UPP2: variants seen among roughly 807,000 people sequenced by gnomAD.
The protein encoded by UPP2 is UPase 2.
A neutral mutation model predicts 26.7 loss-of-function variants in UPP2; 23 were observed. That is an observed-to-expected ratio of 0.86 (90% confidence interval 0.62 to 1.22). UPP2 has a LOEUF of 1.22. Among genes scored for constraint, UPP2 ranks in the 50% most tolerant of loss-of-function variants. The pLI, the probability that UPP2 is intolerant of heterozygous loss-of-function variation, is 0.00. For missense variants in UPP2, 387 were observed against 396.7 expected, an observed-to-expected ratio of 0.98 and a Z score of 0.21; for synonymous variants, 127 against 141.3, an observed-to-expected ratio of 0.90 and a Z score of 0.72.
chr2:158,055,798 G>C (rs1210386568), intron 3 of UPP2, among the ~76,000 whole-genome samples: 1 of 145,780 alleles, frequency 6.9e-6, no homozygotes, highest in Non-Finnish European at 1.5e-5. Context: ...TCATGGCGGA[G>C]ATTGTGTTGT....
At chr2:158,027,712 C>G (rs1683856562) in intron 3 of UPP2, among the ~76,000 whole-genome samples, 1 of 152,218 alleles carries the variant, frequency 6.6e-6, no homozygotes, top group Non-Finnish European at 1.5e-5. Flanking sequence ...ACTGACCTAG[C>G]AGTAATTCTC....
At chr2:158,039,706 C>A (rs537283416) in intron 3 of UPP2, among the ~76,000 whole-genome samples, 1 of 152,316 alleles carries the variant, frequency 6.6e-6, no homozygotes, top group African/African-American at 2.4e-5. Context: ...GAGTCTTAGA[C>A]CCCACTCCAA....
intron 2 of UPP2, among the ~76,000 whole-genome samples, chr2:158,006,665 G>A (rs1215112035): frequency 6.6e-6 from 1 of 152,004 alleles, no homozygotes; most frequent in African/African-American, 2.4e-5. Context: ...AAAAATAAAA[G>A]CAACTTCCAA....
rs182989261 is a variant in UPP2 at position 158,095,792 on chromosome 2, T to A, written c.148-6248T>A. On this transcript the variant is annotated intron_variant, in intron 3 of 9. Coordinates refer to the UPP2 transcript ENST00000605860. ...TTACTGACATTCTTCCTGTTTTTTT[T>A]TTCATTATTTTTCCTTATCCTTCAG... Among the ~76,000 whole-genome samples, 608 of 152,278 alleles carry A rather than the reference T, an allele frequency of 4.0e-3. 1 individual carries two copies. The highest frequency in any genetic ancestry group is 5.9e-3 in the Admixed American group (91 of 15,306).
chr2:158,086,042 T>C lies in UPP2; in HGVS notation c.148-15998T>C, dbSNP rs147358391. ...TGAATGATTTGGGGAGGATTCCCTT[T>C]TTCTCTATCTTGTGGAATAGTGTCA... On this transcript the variant is annotated intron_variant, in intron 3 of 9. Transcript: ENST00000605860. Among the ~76,000 whole-genome samples, 475 of 152,222 alleles carry C rather than the reference T, an allele frequency of 3.1e-3. 1 individual carries two copies. Among genetic ancestry groups the C allele is most frequent in the African/African-American group, 0.01 (432 of 41,556 alleles).
rs370253892 is a variant in UPP2, at chr2:158,106,360, G to T, written c.180+144G>T. On this transcript the variant is annotated intron_variant, in intron 2 of 6. Transcript: ENST00000005756. ...CACACTCATTCTCTGAAACAATTTG[G>T]AATGTGTATATCATGAACAATCATT... The T allele has an allele frequency of 7.5e-6, 5 of 663,648 alleles. No individual in the cohort carries two copies. The African/African-American group carries it at 7.6e-5, about 10-fold the overall frequency. The allele number at this position is 663,648 out of a possible 1,614,324, so 41.1% of individuals were successfully genotyped here.
chr2:158,048,159 T>C (rs1206109754), intron 3 of UPP2, among the ~76,000 whole-genome samples: 1 of 152,130 alleles, frequency 6.6e-6, no homozygotes, highest in Non-Finnish European at 1.5e-5. Flanking sequence ...GGACACAAGT[T>C]TTTGCAAGAA....
chr2:158,011,591 T>A (rs982841295), intron 2 of UPP2, among the ~76,000 whole-genome samples: 4 of 151,396 alleles, frequency 2.6e-5, no homozygotes, highest in African/African-American at 7.3e-5. Context: ...TGTCCACCAC[T>A]GAAGGGAACC....
At chr2:158,074,726 C>CAG (rs1682602807) in intron 3 of UPP2, among the ~76,000 whole-genome samples, 1 of 150,334 alleles carries the variant, frequency 6.7e-6, no homozygotes, top group Admixed American at 6.6e-5. Flanking sequence ...CACACACACA[C>CAG]AGAAAAATAA....
At chr2:157,998,918 C>T (rs1683363821) in intron 2 of UPP2, among the ~76,000 whole-genome samples, 1 of 152,100 alleles carries the variant, frequency 6.6e-6, no homozygotes. Flanking sequence ...AACTTTGTTC[C>T]TGTCCTCTCT....
At chr2:158,057,212 T>C (rs185652899) in intron 3 of UPP2, among the ~76,000 whole-genome samples, 283 of 152,348 alleles carry the variant, frequency 1.9e-3, no homozygotes, top group African/African-American at 6.3e-3. Flanking sequence ...GTTTCTCTAC[T>C]GTAAAGTTAC....
intron 3 of UPP2, among the ~76,000 whole-genome samples, chr2:158,047,566 T>G (rs535797884): frequency 6.6e-6 from 1 of 152,168 alleles, no homozygotes; most frequent in Non-Finnish European, 1.5e-5. Flanking sequence ...AAGAGACCAG[T>G]GGAAATGAGA....
intron 3 of UPP2, among the ~76,000 whole-genome samples, chr2:158,079,825 T>G (rs887559333): frequency 6.6e-6 from 1 of 152,140 alleles, no homozygotes; most frequent in African/African-American, 2.4e-5. Context: ...TTCATTGTTC[T>G]TTTATATAAT....
At chr2:158,072,321 C>T (rs1473337821) in intron 3 of UPP2, among the ~76,000 whole-genome samples, 1 of 152,144 alleles carries the variant, frequency 6.6e-6, no homozygotes. Flanking sequence ...CAGAATAAAA[C>T]ATCAGGTAGA....
intron 3 of UPP2, among the ~76,000 whole-genome samples, chr2:158,073,518 A>G (rs529241624): frequency 7.2e-5 from 11 of 152,310 alleles, no homozygotes; most frequent in Admixed American, 1.3e-4. Context: ...ATTTAACTCA[A>G]GGAAGACTAC....
At chr2:158,013,149 C>T (rs185631181) in intron 2 of UPP2, among the ~76,000 whole-genome samples, 7 of 152,168 alleles carry the variant, frequency 4.6e-5, no homozygotes, top group Admixed American at 3.9e-4. Flanking sequence ...CCAAAACTGG[C>T]TAATTTTTTT....
At chr2:158,046,387 C>A (rs756687960) in intron 3 of UPP2, among the ~76,000 whole-genome samples, 1 of 152,206 alleles carries the variant, frequency 6.6e-6, no homozygotes, top group Non-Finnish European at 1.5e-5. Flanking sequence ...ACTTTTTACT[C>A]TTAAGCATCT....
chr2:158,106,104 G>A lies in UPP2; in HGVS notation c.68G>A (p.Arg23Lys). ...TGTATAATTTTTTTTTCCAGAAAAA[G>A]GTTTGTTCACGTTAAAAATCCTTAC... ...RSDRNTYVGKRFVHVKNPYLD... is the reference protein window; with the variant it reads ...RSDRNTYVGKKFVHVKNPYLD... Residue 23 changes from arginine (R) to lysine (K), a missense_variant, in exon 2 of 7, where the codon AGG (arginine) becomes AAG (lysine). Coordinates refer to ENST00000005756, the MANE Select transcript of UPP2 (RefSeq NM_173355.4). The A allele has an allele frequency of 1.3e-6, 2 of 1,583,876 alleles. No individual in the cohort carries two copies. Among genetic ancestry groups the A allele is most frequent in the Non-Finnish European group, 1.7e-6 (2 of 1,169,570 alleles).
chr2:158,132,275 C>A (rs566278597), intron 6 of UPP2, among the ~76,000 whole-genome samples: 14 of 152,348 alleles, frequency 9.2e-5, no homozygotes, highest in Admixed American at 8.5e-4. Context: ...GAGGGTCAGT[C>A]TGACCGATGG....
Sources: allele counts gnomAD v4.1 joint callset (sites outside exome capture counted in the v4.1 genomes callset), GRCh38; gene constraint gnomAD v4.1.1; transcripts MANE v1.5; gene names NCBI Gene and HGNC (gene_info 2026-07-23, HGNC 2026-07-21).